Variants in DNAH9 observed in about 807,000 individuals in gnomAD.
DNAH9 encodes dynein axonemal heavy chain 9.
In DNAH9, 345 loss-of-function variants were observed where a neutral mutation model predicts 471.6. The ratio of observed to expected loss-of-function variants is 0.73; its 90% CI spans 0.67 to 0.80. The LOEUF is 0.80. Among genes scored for constraint, DNAH9 ranks in the 30% least tolerant of loss-of-function variants. The probability of loss-of-function intolerance (pLI) is 0.00; values close to 1 mark genes in which losing one functional copy is unlikely to be tolerated. For missense variants in DNAH9, 5,407 were observed against 5,609.2 expected, an observed-to-expected ratio of 0.96 and a Z score of 1.15; for synonymous variants, 2,093 against 2,123.6, an observed-to-expected ratio of 0.99 and a Z score of 0.40.
intron 15 of DNAH9, among the ~76,000 whole-genome samples, chr17:11,666,717 C>A (rs1455845076): frequency 6.6e-6 from 1 of 152,118 alleles, no homozygotes; most frequent in Non-Finnish European, 1.5e-5. Context: ...TCCACCTTAC[C>A]ATTTTGTCTG....
intron 50 of DNAH9, among the ~76,000 whole-genome samples, chr17:11,868,458 T>C (rs777660367): frequency 6.6e-6 from 1 of 152,176 alleles, no homozygotes; most frequent in Non-Finnish European, 1.5e-5. Context: ...AATTTTAAAT[T>C]CTTAATACAT....
intron 6 of DNAH9, among the ~76,000 whole-genome samples, chr17:11,624,535 G>C (rs1439652516): frequency 6.6e-6 from 1 of 151,852 alleles, no homozygotes; most frequent in Non-Finnish European, 1.5e-5. Context: ...AAAAGAACTG[G>C]GTATCAGTAT....
At chr17:11,729,875 G>A (rs2075228264) in intron 28 of DNAH9, among the ~76,000 whole-genome samples, 1 of 152,206 alleles carries the variant, frequency 6.6e-6, no homozygotes, top group Admixed American at 6.5e-5. Context: ...ACGCAAAGCT[G>A]AACAGCAGTA....
At chr17:11,755,647 A>G (rs1037589340) in intron 33 of DNAH9, among the ~76,000 whole-genome samples, 2 of 59,988 alleles carry the variant, frequency 3.3e-5, no homozygotes, top group Admixed American at 2.4e-4. Flanking sequence ...ACATCAACTT[A>G]AACTGTTTAA....
rs1388755383 is a variant in DNAH9, at chr17:11,663,661, C to T, written c.2596-1172C>T. Among the ~76,000 whole-genome samples, 9 of 152,048 alleles carry T rather than the reference C, an allele frequency of 5.9e-5. No homozygotes were observed. The South Asian group carries it at 8.3e-4, about 14-fold the overall frequency. On this transcript the variant is annotated intron_variant, in intron 14 of 68. Coordinates refer to ENST00000262442, the MANE Select transcript of DNAH9 (RefSeq NM_001372.4). ...ATTCCAACACGTTTGTTTCTTAGAC[C>T]GCAATAGATTTGAGGCAGTAAACAA... is the stretch of plus-strand genomic sequence containing the variant.
chr17:11,901,601 C>T (rs998636039), intron 59 of DNAH9, among the ~76,000 whole-genome samples: 1 of 152,156 alleles, frequency 6.6e-6, no homozygotes, highest in African/African-American at 2.4e-5. Context: ...GAGGCTGAGA[C>T]AGGAGAATTG....
At chr17:11,905,027 A>T (rs1394978950) in intron 60 of DNAH9, among the ~76,000 whole-genome samples, 1 of 151,632 alleles carries the variant, frequency 6.6e-6, no homozygotes, top group Non-Finnish European at 1.5e-5. Flanking sequence ...AGGTCAGGAG[A>T]TCGAGACCAT....
At chr17:11,823,896 G>C (rs11867402) in intron 48 of DNAH9, among the ~76,000 whole-genome samples, 14,180 of 150,410 alleles carry the variant, frequency 0.094, 1,800 homozygotes, top group African/African-American at 0.28. Flanking sequence ...CACCACTGCC[G>C]TCCAGCCTGG....
At position 11,865,993 on chromosome 17, in the gene DNAH9, G is replaced by A. The variant is rs537197076; in HGVS notation, c.9934-3141G>A. Among the ~76,000 whole-genome samples, 7 of 152,138 alleles carry A rather than the reference G, an allele frequency of 4.6e-5. No homozygotes were observed. In the East Asian group the frequency reaches 9.7e-4, roughly 21 times the overall value. On this transcript the variant is annotated intron_variant, in intron 50 of 68. Transcript: ENST00000262442. ...TCCTCCTGTAGCTCGTAGTTTGATC[G>A]TCTGAAGCCTTCTTCTCTCAACTCG...
intron 8 of DNAH9, among the ~76,000 whole-genome samples, chr17:11,636,003 T>G (rs2073157825): frequency 6.6e-6 from 1 of 152,004 alleles, no homozygotes; most frequent in African/African-American, 2.4e-5. Context: ...TTTATTTGTT[T>G]GTTTGGTTTT....
chr17:11,820,305 T>A (rs28600052), intron 45 of DNAH9, among the ~76,000 whole-genome samples: 7,555 of 152,244 alleles, frequency 0.05, 634 homozygotes, highest in African/African-American at 0.17. Flanking sequence ...TGGGATTTTT[T>A]AAATTGTTAT....
intron 57 of DNAH9, among the ~76,000 whole-genome samples, chr17:11,889,497 A>G (rs890306541): frequency 1.3e-5 from 2 of 152,020 alleles, no homozygotes; most frequent in African/African-American, 4.8e-5. Flanking sequence ...GCCCCCCTAG[A>G]TTGGCATGTG....
At chr17:11,850,834 A>C (rs1971394548) in intron 49 of DNAH9, among the ~76,000 whole-genome samples, 1 of 152,038 alleles carries the variant, frequency 6.6e-6, no homozygotes, top group South Asian at 2.1e-4. Flanking sequence ...CTTTCCATCC[A>C]ATCACTCAAC....
rs1284625870 is a variant in DNAH9 at position 11,768,551 on chromosome 17, C to T, written c.7269C>T (p.Asp2423=). Residue 2423 remains aspartate, a synonymous_variant, in exon 37 of 69, where the codon GAC becomes GAT. Transcript: ENST00000262442. Reference sequence around the variant, plus strand: ...GAACCATCTTTGACTATTACATCGACCCAGAGACCAAGAAATTCGAGCCTT... The same window carrying T: ...GAACCATCTTTGACTATTACATCGATCCAGAGACCAAGAAATTCGAGCCTT... ...SQGTIFDYYI[D]PETKKFEPWS... is the part of the protein sequence containing the mutation. 4 of 1,614,146 alleles carry T rather than the reference C, an allele frequency of 2.5e-6. No homozygotes were observed. The highest frequency in any genetic ancestry group is 1.3e-5 in the African/African-American group (1 of 75,028).
intron 59 of DNAH9, among the ~76,000 whole-genome samples, chr17:11,900,036 C>T (rs1026026364): frequency 6.6e-6 from 1 of 151,746 alleles, no homozygotes; most frequent in African/African-American, 2.4e-5. Flanking sequence ...GCCTTCAAAG[C>T]ATTTGTATCT....
rs1968104527 is a variant in DNAH9 at position 11,769,343 on chromosome 17, G to A, written c.7552+14G>A. The A allele has an allele frequency of 6.3e-7, 1 of 1,598,542 alleles. No homozygotes were observed. Among genetic ancestry groups the A allele is most frequent in the Non-Finnish European group, 8.5e-7 (1 of 1,173,002 alleles). ...CAATGCTGCAGGGTAAGCAGCCCAG[G>A]GCACCTGGGGTGGGGGGCATCTGGG... On this transcript the variant is annotated intron_variant, in intron 38 of 68. Transcript: ENST00000262442.
chr17:11,944,698 G>C (rs1342665673), intron 67 of DNAH9, among the ~76,000 whole-genome samples: 1 of 152,144 alleles, frequency 6.6e-6, no homozygotes, highest in Non-Finnish European at 1.5e-5. Flanking sequence ...CATCCCCCAA[G>C]CTGGCCTGGT....
chr17:11,841,943 C>T (rs2150959587), intron 49 of DNAH9, among the ~76,000 whole-genome samples: 1 of 152,180 alleles, frequency 6.6e-6, no homozygotes, highest in Admixed American at 6.5e-5. Flanking sequence ...CCCATTTTCT[C>T]ACAAGGTAGT....
chr17:11,785,775 A>G (rs541278953), intron 41 of DNAH9, among the ~76,000 whole-genome samples: 1 of 152,324 alleles, frequency 6.6e-6, no homozygotes, highest in South Asian at 2.1e-4. Flanking sequence ...CAGTAAAGGA[A>G]CTGGAATCTA....
Sources: gnomAD v4.1 joint callset for allele counts (sites outside exome capture counted in the v4.1 genomes callset) on GRCh38, gnomAD v4.1.1 for gene constraint, MANE v1.5 for transcripts, NCBI Gene and HGNC (gene_info 2026-07-23, HGNC 2026-07-21) for gene names.